The following CTNNA3 variants were observed in gnomAD, a reference collection of about 807,000 sequenced individuals.
CTNNA3 encodes the protein catenin alpha-3.
Under a neutral mutation model 95.7 loss-of-function variants are expected in CTNNA3, and 76 were observed. That is an observed-to-expected ratio of 0.79 (90% CI 0.66 to 0.96). The LOEUF (loss-of-function observed/expected upper bound fraction) is 0.96, where lower values mean the gene tolerates loss of function less well. Ranked by LOEUF, CTNNA3 falls within the 40% of genes least tolerant of loss-of-function variation. CTNNA3 has a pLI of 0.00. For synonymous variants in CTNNA3, 431 were observed against 374.4 expected (o/e 1.15, Z -1.74); for missense variants, 1,191 against 1,089.8 (o/e 1.09, Z -1.31).
intron 7 of CTNNA3, among the ~76,000 whole-genome samples, chr10:66,865,441 G>A (rs577401956): frequency 6.6e-6 from 1 of 152,028 alleles, no homozygotes; most frequent in South Asian, 2.1e-4. Context: ...GAGTATGTGT[G>A]CTTTTATCAC....
chr10:66,558,322 G>A (rs1842452860), intron 10 of CTNNA3, among the ~76,000 whole-genome samples: 1 of 151,964 alleles, frequency 6.6e-6, no homozygotes, highest in Non-Finnish European at 1.5e-5. Context: ...ATGAATAATG[G>A]TTTTAATTTA....
At chr10:66,968,512 G>T (rs1849554793) in intron 7 of CTNNA3, among the ~76,000 whole-genome samples, 1 of 151,716 alleles carries the variant, frequency 6.6e-6, no homozygotes, top group Non-Finnish European at 1.5e-5. Flanking sequence ...TATGAAGAAA[G>T]TTCATATCTA....
intron 7 of CTNNA3, among the ~76,000 whole-genome samples, chr10:67,125,540 T>C (rs570467330): frequency 6.6e-6 from 1 of 152,322 alleles, no homozygotes; most frequent in Non-Finnish European, 1.5e-5. Flanking sequence ...TAAACATTTA[T>C]TGCTTGACTA....
intron 1 of CTNNA3, chr10:67,750,846 C>A: frequency 1.2e-6 from 2 of 1,610,930 alleles, no homozygotes; most frequent in Admixed American, 1.7e-5. Flanking sequence ...TTGAGTGTCA[C>A]CCATACCTCA....
At position 66,492,820 on chromosome 10, in the gene CTNNA3, G is replaced by A. The variant is rs535904223; in HGVS notation, c.1531+27797C>T. 5.3e-5 allele frequency among the ~76,000 whole-genome samples: 8 copies of A among 152,258 alleles called. No individual in the cohort carries two copies. The East Asian group carries it at 1.6e-3, about 30-fold the overall frequency. ...TTGGGCTTTGATTCCCTTAAGCATA[G>A]TTATTATACTCCATCTAGTTTAAAG... On this transcript the variant is annotated intron_variant, in intron 11 of 17. Transcript: ENST00000433211.
chr10:67,539,385 AG>A, intron 4 of CTNNA3, 117 bp downstream of exon 4: 1 of 1,055,340 alleles, frequency 9.5e-7, no homozygotes, highest in Non-Finnish European at 1.4e-6. Flanking sequence ...CTGCTTCTGA[AG>A]GGGTGATGTT....
At chr10:66,638,361 T>G (rs1202033496) in intron 9 of CTNNA3, among the ~76,000 whole-genome samples, 1 of 152,174 alleles carries the variant, frequency 6.6e-6, no homozygotes, top group Non-Finnish European at 1.5e-5. Context: ...CCTATTAATT[T>G]CAAATGAATG....
chr10:66,053,265 T>A (rs903906564), intron 15 of CTNNA3, among the ~76,000 whole-genome samples: 1 of 152,064 alleles, frequency 6.6e-6, no homozygotes, highest in Admixed American at 6.6e-5. Context: ...TACCTACCAA[T>A]CACCATCTCA....
At chr10:66,690,900 T>C (rs1288028992) in intron 9 of CTNNA3, among the ~76,000 whole-genome samples, 1 of 152,212 alleles carries the variant, frequency 6.6e-6, no homozygotes, top group Non-Finnish European at 1.5e-5. Context: ...ATTGCCACAC[T>C]GACTTCCACA....
intron 15 of CTNNA3, among the ~76,000 whole-genome samples, chr10:66,003,310 C>CGGTGGT (rs1003593936): frequency 6.8e-6 from 1 of 148,044 alleles, no homozygotes; most frequent in Non-Finnish European, 1.5e-5. Context: ...CTGCTGGTGG[C>CGGTGGT]GGTGGTGGTG....
At chr10:66,342,493 AAAC>A (rs147215940) in intron 12 of CTNNA3, among the ~76,000 whole-genome samples, 9,255 of 152,146 alleles carry the variant, frequency 0.061, 447 homozygotes, top group East Asian at 0.1. Flanking sequence ...AGGACAGAGA[AAAC>A]ATTCTTTGTA....
At chr10:66,957,470 G>GCATATATATA (rs1848884385) in intron 7 of CTNNA3, among the ~76,000 whole-genome samples, 5 of 124,138 alleles carry the variant, frequency 4.0e-5, no homozygotes, top group Admixed American at 1.7e-4. Flanking sequence ...ATATATATAT[G>GCATATATATA]TTTGATCCTG....
At chr10:66,041,140 C>A (rs2079679048) in intron 15 of CTNNA3, among the ~76,000 whole-genome samples, 1 of 152,066 alleles carries the variant, frequency 6.6e-6, no homozygotes, top group Non-Finnish European at 1.5e-5. Context: ...AGCATGCCTG[C>A]CAAAAATGCA....
chr10:67,726,494 A>G (rs1376586484), intron 1 of CTNNA3, among the ~76,000 whole-genome samples: 5 of 65,914 alleles, frequency 7.6e-5, no homozygotes, highest in African/African-American at 2.2e-4. Flanking sequence ...TATCATATAC[A>G]ATATATAATA....
intron 11 of CTNNA3, among the ~76,000 whole-genome samples, chr10:66,465,512 T>G (rs1017196122): frequency 6.6e-6 from 1 of 152,158 alleles, no homozygotes; most frequent in African/African-American, 2.4e-5. Flanking sequence ...AGACCTGCAC[T>G]GAAGCGTGTT....
At chr10:67,067,971 C>A (rs1007652515) in intron 7 of CTNNA3, among the ~76,000 whole-genome samples, 6 of 152,094 alleles carry the variant, frequency 3.9e-5, no homozygotes, top group Admixed American at 2.0e-4. Context: ...ACAGGGAAAC[C>A]CACATTTAAA....
intron 15 of CTNNA3, among the ~76,000 whole-genome samples, chr10:66,067,908 T>C (rs2080346941): frequency 6.6e-6 from 1 of 151,980 alleles, no homozygotes; most frequent in African/African-American, 2.4e-5. Flanking sequence ...AGAGCGAGAC[T>C]CCATCTCAAA....
chr10:67,669,310 T>C (rs1840388955), intron 1 of CTNNA3, among the ~76,000 whole-genome samples: 1 of 152,036 alleles, frequency 6.6e-6, no homozygotes, highest in South Asian at 2.1e-4. Flanking sequence ...TCCATGAACT[T>C]TGGAGAAAAA....
chr10:66,475,241 T>C (rs1225727691), intron 11 of CTNNA3, among the ~76,000 whole-genome samples: 2 of 152,038 alleles, frequency 1.3e-5, no homozygotes, highest in African/African-American at 4.8e-5. Context: ...TAAGCTCTTA[T>C]CTTTTACCAT....
Sources: allele counts gnomAD v4.1 joint callset (sites outside exome capture counted in the v4.1 genomes callset), GRCh38; gene constraint gnomAD v4.1.1; transcripts MANE v1.5; gene names NCBI Gene and HGNC (gene_info 2026-07-23, HGNC 2026-07-21).